The following CNTNAP2 variants were observed in gnomAD, a reference collection of about 807,000 sequenced individuals.
CNTNAP2 encodes the protein contactin-associated protein-like 2.
Under a neutral mutation model 155.2 loss-of-function variants are expected in CNTNAP2, and 98 were observed. The observed-to-expected ratio is 0.63, with a 90% CI of 0.54 to 0.75. The LOEUF is 0.75. Among genes scored for constraint, CNTNAP2 ranks in the 30% least tolerant of loss-of-function variants. The pLI is 0.00. For synonymous variants in CNTNAP2, 651 were observed against 631.2 expected, an observed-to-expected ratio of 1.03 and a Z score of -0.47; for missense variants, 1,727 against 1,688.1, an observed-to-expected ratio of 1.02 and a Z score of -0.40.
At chr7:147,616,190 TCTC>T (rs1385147279) in intron 12 of CNTNAP2, among the ~76,000 whole-genome samples, 1 of 152,164 alleles carries the variant, frequency 6.6e-6, no homozygotes, top group Non-Finnish European at 1.5e-5. Flanking sequence ...TATTTCCACT[TCTC>T]TGTCACCTCC....
intron 1 of CNTNAP2, among the ~76,000 whole-genome samples, chr7:146,176,558 C>T (rs1194013348): frequency 6.6e-6 from 1 of 152,030 alleles, no homozygotes; most frequent in African/African-American, 2.4e-5. Flanking sequence ...ATATCCAATT[C>T]CCTGGGAATC....
chr7:148,203,455 T>G (rs1795398135), intron 18 of CNTNAP2, among the ~76,000 whole-genome samples: 1 of 152,116 alleles, frequency 6.6e-6, no homozygotes, highest in Admixed American at 6.5e-5. Context: ...CATCGAGAAA[T>G]GAATGTGGGC....
chr7:148,180,444 A>G (rs79541008), intron 18 of CNTNAP2, among the ~76,000 whole-genome samples: 2,986 of 152,242 alleles, frequency 0.02, 106 homozygotes, highest in East Asian at 0.15. Flanking sequence ...TTAAGTGTCA[A>G]CTTGACTGGT....
At chr7:147,981,807 GTGTGTGTGTGGT>G (rs1801534997) in intron 15 of CNTNAP2, among the ~76,000 whole-genome samples, 1 of 151,062 alleles carries the variant, frequency 6.6e-6, no homozygotes, top group Non-Finnish European at 1.5e-5. Context: ...GTGTGTGTGT[GTGTGTGTGTGGT>G]TTTTTTTTTC....
chr7:147,812,253 A>C (rs1432338453), intron 13 of CNTNAP2, among the ~76,000 whole-genome samples: 10 of 152,108 alleles, frequency 6.6e-5, no homozygotes, highest in Non-Finnish European at 1.0e-4. Context: ...TTCAGGAGTA[A>C]ACTTTGTAAC....
chr7:146,832,606 ATAT>A (rs1380996964), intron 2 of CNTNAP2, among the ~76,000 whole-genome samples: 2 of 148,018 alleles, frequency 1.4e-5, no homozygotes, highest in East Asian at 1.9e-4. Context: ...TATTTATTAT[ATAT>A]TATATTTTAT....
intron 1 of CNTNAP2, among the ~76,000 whole-genome samples, chr7:146,222,259 G>A (rs1246462088): frequency 6.6e-6 from 1 of 152,148 alleles, no homozygotes; most frequent in East Asian, 1.9e-4. Context: ...TCCACAGGCT[G>A]ACAAGAGAAA....
chr7:146,656,418 C>A (rs973478126), intron 1 of CNTNAP2, among the ~76,000 whole-genome samples: 2 of 152,196 alleles, frequency 1.3e-5, no homozygotes, highest in African/African-American at 4.8e-5. Flanking sequence ...AACAGTATAT[C>A]TGTGAAACCG....
At chr7:147,807,161 A>C (rs1798103696) in intron 13 of CNTNAP2, among the ~76,000 whole-genome samples, 1 of 151,856 alleles carries the variant, frequency 6.6e-6, no homozygotes. Flanking sequence ...AAAGAATAAA[A>C]AGTTTTAAAA....
chr7:147,710,756 C>T (rs1796390408), intron 13 of CNTNAP2, among the ~76,000 whole-genome samples: 1 of 152,100 alleles, frequency 6.6e-6, no homozygotes, highest in Non-Finnish European at 1.5e-5. Context: ...TACCCCAGGG[C>T]CTCAAATTAG....
chr7:146,246,633 G>C (rs546401757), intron 1 of CNTNAP2, among the ~76,000 whole-genome samples: 1 of 151,532 alleles, frequency 6.6e-6, no homozygotes, highest in Non-Finnish European at 1.5e-5. Context: ...GAGGCGATCC[G>C]ACAGCATCAG....
intron 8 of CNTNAP2, among the ~76,000 whole-genome samples, chr7:147,134,874 T>C (rs1365265999): frequency 6.6e-6 from 1 of 151,900 alleles, no homozygotes; most frequent in Non-Finnish European, 1.5e-5. Context: ...TCAAATATTT[T>C]GATTGAAAGA....
chr7:147,125,237 G>A (rs977291950), intron 6 of CNTNAP2, among the ~76,000 whole-genome samples: 18 of 151,930 alleles, frequency 1.2e-4, no homozygotes, highest in African/African-American at 4.4e-4. Context: ...GGATGGTCTC[G>A]ATCTCTTGGC....
intron 18 of CNTNAP2, among the ~76,000 whole-genome samples, chr7:148,208,011 C>T (rs1463777160): frequency 5.9e-5 from 9 of 151,894 alleles, no homozygotes; most frequent in Non-Finnish European, 1.3e-4. Context: ...ATGGCGTGAA[C>T]CCGGGAGGCG....
At chr7:146,403,425 ATTTCT>A (rs1386177810) in intron 1 of CNTNAP2, among the ~76,000 whole-genome samples, 3 of 152,234 alleles carry the variant, frequency 2.0e-5, no homozygotes, top group East Asian at 1.9e-4. Flanking sequence ...TTAGGTTTAA[ATTTCT>A]TTTCTGCTGC....
intron 15 of CNTNAP2, among the ~76,000 whole-genome samples, chr7:148,111,005 A>G (rs948037885): frequency 2.0e-5 from 3 of 152,204 alleles, no homozygotes; most frequent in Admixed American, 6.5e-5. Context: ...GACCAAAACA[A>G]GTCACAGATA....
intron 1 of CNTNAP2, among the ~76,000 whole-genome samples, chr7:146,727,398 A>G (rs1272261996): frequency 1.3e-5 from 2 of 152,228 alleles, no homozygotes; most frequent in Non-Finnish European, 2.9e-5. Flanking sequence ...GTTTACTACC[A>G]CTGAGGAGAA....
chr7:147,142,860 T>A (rs186866939), intron 8 of CNTNAP2, among the ~76,000 whole-genome samples: 26 of 152,280 alleles, frequency 1.7e-4, no homozygotes, highest in Non-Finnish European at 2.9e-4. Flanking sequence ...TTGCGTCATA[T>A]TGACTACTTT....
chr7:147,760,337 T>C (rs1242503535), intron 13 of CNTNAP2, among the ~76,000 whole-genome samples: 1 of 152,180 alleles, frequency 6.6e-6, no homozygotes, highest in Non-Finnish European at 1.5e-5. Context: ...AAATGTGATT[T>C]TTCCCTTTAA....
Sources: gnomAD v4.1 joint callset for allele counts (sites outside exome capture counted in the v4.1 genomes callset) on GRCh38, gnomAD v4.1.1 for gene constraint, MANE v1.5 for transcripts, NCBI Gene and HGNC (gene_info 2026-07-23, HGNC 2026-07-21) for gene names.